Variants in ZNF521 observed in about 807,000 individuals in gnomAD.
ZNF521 encodes the protein LYST-interacting protein 3.
ZNF521 carries 14 observed loss-of-function variants against 105.5 expected under a neutral mutation model. The observed-to-expected ratio is 0.13, with a 90% confidence interval of 0.09 to 0.21. The LOEUF (loss-of-function observed/expected upper bound fraction) is 0.21, where lower values mean the gene tolerates loss of function less well. Among genes scored for constraint, ZNF521 ranks in the 10% least tolerant of loss-of-function variants. ZNF521 has a pLI of 1.00. For synonymous variants in ZNF521, 635 were observed against 606.0 expected, an observed-to-expected ratio of 1.05 and a Z score of -0.70; for missense variants, 1,233 against 1,629.7, an observed-to-expected ratio of 0.76 and a Z score of 4.19.
rs930435049 is a variant in ZNF521, at chr18:25,141,451, G to A, written c.3659-49370C>T. Among the ~76,000 whole-genome samples, 15 of 152,170 alleles carry A rather than the reference G, an allele frequency of 9.9e-5. No homozygotes were observed. In the East Asian group the frequency reaches 1.9e-3, roughly 20 times the overall value. On this transcript the variant is annotated intron_variant, in intron 5 of 7. Transcript: ENST00000361524. The stretch of plus-strand genomic sequence containing the variant: ...GAAGTTAGGGCATCCCCTGGGGGCC[G>A]TTCTTCCTTAGAGCACAGAAAATGG...
intron 3 of ZNF521, among the ~76,000 whole-genome samples, chr18:25,260,616 GT>G (rs1908842869): frequency 6.6e-6 from 1 of 152,080 alleles, no homozygotes; most frequent in African/African-American, 2.4e-5. Flanking sequence ...GCTAGTAATA[GT>G]AACAATATAC....
At chr18:25,209,714 T>A (rs1221476193) in intron 4 of ZNF521, among the ~76,000 whole-genome samples, 3 of 152,222 alleles carry the variant, frequency 2.0e-5, no homozygotes, top group African/African-American at 7.2e-5. Flanking sequence ...GTTAACTCCC[T>A]TGCAATCCAA....
rs565202403 is a variant in ZNF521 at position 25,285,760 on chromosome 18, A to G, written c.220+36248T>C. Among the ~76,000 whole-genome samples, 213 of 152,226 alleles carry G rather than the reference A, an allele frequency of 1.4e-3. 2 individuals are homozygous for G. The highest frequency in any genetic ancestry group is 3.4e-3 in the African/African-American group (143 of 41,548). On this transcript the variant is annotated intron_variant, in intron 3 of 7. Coordinates refer to ENST00000361524, the MANE Select transcript of ZNF521 (RefSeq NM_015461.3). ...CGCGCCTGCGCGCGCACATGCACGC[A>G]TGGCTATACAGAATCTCCCCAAATC...
intron 2 of ZNF521, among the ~76,000 whole-genome samples, chr18:25,326,889 T>G (rs1913250283): frequency 6.6e-6 from 1 of 152,222 alleles, no homozygotes; most frequent in Non-Finnish European, 1.5e-5. Flanking sequence ...CCTAACAGTT[T>G]GTTCTCTGAT....
At chr18:25,266,499 A>G (rs987267179) in intron 3 of ZNF521, among the ~76,000 whole-genome samples, 3 of 150,372 alleles carry the variant, frequency 2.0e-5, no homozygotes, top group Non-Finnish European at 3.0e-5. Flanking sequence ...GCAGCTCCCA[A>G]TGAGATCAAC....
intron 5 of ZNF521, among the ~76,000 whole-genome samples, chr18:25,168,954 GGTGT>G (rs33910445): frequency 0.52 from 77,952 of 150,240 alleles, 20,892 homozygotes; most frequent in East Asian, 0.69. Context: ...CTGTGTCTGG[GGTGT>G]GTGTGTGTGT....
intron 4 of ZNF521, chr18:25,202,268 A>T (rs1233963914): frequency 6.6e-6 from 1 of 152,210 alleles, no homozygotes; most frequent in Non-Finnish European, 1.5e-5. Context: ...CTGGTTGAAA[A>T]ATTTGAAAAA....
chr18:25,130,851 G>A (rs2034628339), intron 5 of ZNF521, among the ~76,000 whole-genome samples: 1 of 152,030 alleles, frequency 6.6e-6, no homozygotes, highest in Admixed American at 6.6e-5. Flanking sequence ...GCTGAGGTGG[G>A]AGGATCACTG....
chr18:25,238,604 G>A (rs1049735297), intron 3 of ZNF521, among the ~76,000 whole-genome samples: 6 of 152,280 alleles, frequency 3.9e-5, no homozygotes, highest in Admixed American at 1.3e-4. Flanking sequence ...TCACACCCTT[G>A]CCTGTAGGGA....
At position 25,066,247 on chromosome 18, in the gene ZNF521, C is replaced by T. The variant is rs542655198; in HGVS notation, c.3907-3506G>A. ...GTGATGCTCATGGTGGAAGGCAGCA[C>T]GTTCCTAGAGCTTCTTGGGCAATGG... On this transcript the variant is annotated intron_variant, in intron 7 of 7. Coordinates refer to ENST00000361524, the MANE Select transcript of ZNF521 (RefSeq NM_015461.3). 5.9e-5 allele frequency among the ~76,000 whole-genome samples: 9 copies of T among 152,270 alleles called. No homozygotes were observed. The East Asian group carries it at 1.4e-3, about 23-fold the overall frequency.
chr18:25,272,876 A>G (rs1394593628), intron 3 of ZNF521, among the ~76,000 whole-genome samples: 5 of 151,988 alleles, frequency 3.3e-5, no homozygotes, highest in Non-Finnish European at 7.4e-5. Flanking sequence ...AAACCTGCAC[A>G]TTCTGCACAT....
chr18:25,252,622 A>C (rs1908196074), intron 3 of ZNF521, among the ~76,000 whole-genome samples: 1 of 152,076 alleles, frequency 6.6e-6, no homozygotes, highest in Non-Finnish European at 1.5e-5. Context: ...TTTTTAACAC[A>C]AGGTATTTTC....
chr18:25,172,483 A>C (rs1334248312), intron 5 of ZNF521, among the ~76,000 whole-genome samples: 1 of 152,182 alleles, frequency 6.6e-6, no homozygotes, highest in Non-Finnish European at 1.5e-5. Flanking sequence ...ACTGGCATCA[A>C]ACTGATTTCC....
chr18:25,337,176 T>TG (rs1568086094), intron 2 of ZNF521, among the ~76,000 whole-genome samples: 2 of 151,372 alleles, frequency 1.3e-5, no homozygotes, highest in Non-Finnish European at 2.9e-5. Context: ...GAGATGGAGG[T>TG]GGGGGAACAA....
At chr18:25,088,379 C>T (rs2033672000) in intron 7 of ZNF521, among the ~76,000 whole-genome samples, 1 of 151,748 alleles carries the variant, frequency 6.6e-6, no homozygotes, top group Admixed American at 6.6e-5. Context: ...CTGTGCCTGG[C>T]TAATTTTTTT....
rs567138053 is a variant in ZNF521, at chr18:25,150,702, A to G, written c.3658+44458T>C. ...ATCCTGGGATCCCTTCCTCTCTTTTATCTTTCACATCTATTGGGTCATAAC... is the reference window on the plus strand; with the variant it reads ...ATCCTGGGATCCCTTCCTCTCTTTTGTCTTTCACATCTATTGGGTCATAAC... On this transcript the variant is annotated intron_variant, in intron 5 of 7. Transcript: ENST00000361524. Among the ~76,000 whole-genome samples, 9 of 152,094 alleles carry G rather than the reference A, an allele frequency of 5.9e-5. No homozygotes were observed. In the East Asian group the frequency reaches 7.7e-4, roughly 13 times the overall value.
chr18:25,163,401 TA>T (rs2035283238), intron 5 of ZNF521, among the ~76,000 whole-genome samples: 1 of 152,150 alleles, frequency 6.6e-6, no homozygotes, highest in African/African-American at 2.4e-5. Context: ...ACACACTAAT[TA>T]GAATTAAGAT....
At chr18:25,071,518 A>T (rs955118852) in intron 7 of ZNF521, among the ~76,000 whole-genome samples, 17 of 152,312 alleles carry the variant, frequency 1.1e-4, no homozygotes, top group Non-Finnish European at 2.2e-4. Flanking sequence ...ATCTACTTTG[A>T]AAGAACTACA....
chr18:25,308,302 TGGATTAGGATCTCC>T (rs892899033), intron 3 of ZNF521, among the ~76,000 whole-genome samples: 3 of 151,574 alleles, frequency 2.0e-5, no homozygotes, highest in Non-Finnish European at 4.4e-5. Flanking sequence ...TTAGAAACTC[TGGATTAGGATCTCC>T]GGGAAAAGCT....
Sources: gnomAD v4.1 joint callset for allele counts (sites outside exome capture counted in the v4.1 genomes callset) on GRCh38, gnomAD v4.1.1 for gene constraint, MANE v1.5 for transcripts, NCBI Gene and HGNC (gene_info 2026-07-23, HGNC 2026-07-21) for gene names.